ITGA9: variants seen among roughly 807,000 people sequenced by gnomAD.
ITGA9 encodes the protein integrin alpha-9.
In ITGA9, 56 loss-of-function variants were observed where a neutral mutation model predicts 127.8. That is an observed-to-expected ratio of 0.44 (90% CI 0.35 to 0.55). The LOEUF (loss-of-function observed/expected upper bound fraction) is 0.55. ITGA9 is among the 20% of genes least tolerant of loss of function. The probability of loss-of-function intolerance (pLI) is 0.00; values close to 1 mark genes in which losing one functional copy is unlikely to be tolerated. For synonymous variants in ITGA9, 508 were observed against 514.5 expected (o/e 0.99, Z 0.17); for missense variants, 1,196 against 1,347.1 (o/e 0.89, Z 1.76).
intron 17 of ITGA9, among the ~76,000 whole-genome samples, chr3:37,678,622 G>T (rs1700705414): frequency 6.6e-6 from 1 of 152,106 alleles, no homozygotes; most frequent in South Asian, 2.1e-4. Context: ...CTTTACTCAG[G>T]CTAGATTTAT....
chr3:37,588,609 C>T (rs982326157), intron 15 of ITGA9, among the ~76,000 whole-genome samples: 1 of 152,200 alleles, frequency 6.6e-6, no homozygotes, highest in African/African-American at 2.4e-5. Flanking sequence ...GGAGACTGAC[C>T]TTGGTCTCAC....
At chr3:37,722,650 T>C (rs1400294749) in intron 18 of ITGA9, among the ~76,000 whole-genome samples, 2 of 152,254 alleles carry the variant, frequency 1.3e-5, no homozygotes, top group African/African-American at 2.4e-5. Flanking sequence ...ATGTCATACT[T>C]CATTCTTTTT....
At chr3:37,710,017 A>T (rs1463462786) in intron 18 of ITGA9, among the ~76,000 whole-genome samples, 1 of 152,074 alleles carries the variant, frequency 6.6e-6, no homozygotes, top group Admixed American at 6.5e-5. Flanking sequence ...ACTCTGGCTG[A>T]CTCCTTGTGA....
At chr3:37,743,359 G>T (rs1696460741) in intron 21 of ITGA9, among the ~76,000 whole-genome samples, 1 of 152,192 alleles carries the variant, frequency 6.6e-6, no homozygotes, top group African/African-American at 2.4e-5. Flanking sequence ...AACATTGAAA[G>T]CATTGCTGCA....
At position 37,732,803 on chromosome 3, in the gene ITGA9, G is replaced by A. The variant is rs1288601116; in HGVS notation, c.2154+5G>A. On this transcript the variant is annotated splice_donor_5th_base_variant and intron_variant, in intron 19 of 27. Coordinates refer to ENST00000264741, the MANE Select transcript of ITGA9 (RefSeq NM_002207.3). ...TTCATGAGGTCAAAGTCAAAGGTAA[G>A]GGACACAGACGGGACCCTTCCTCAG... 6.2e-7 allele frequency: 1 copy of A among 1,603,998 alleles called. No individual in the cohort carries two copies. Among genetic ancestry groups the A allele is most frequent in the Non-Finnish European group, 8.5e-7 (1 of 1,174,588 alleles).
intron 15 of ITGA9, among the ~76,000 whole-genome samples, chr3:37,561,184 ATTAT>A (rs1411803857): frequency 6.6e-5 from 10 of 152,364 alleles, no homozygotes; most frequent in African/African-American, 2.4e-4. Context: ...AAAAATGTAT[ATTAT>A]TTAGTCCAAT....
At chr3:37,453,546 A>C (rs1166680218) in intron 1 of ITGA9, among the ~76,000 whole-genome samples, 1 of 152,104 alleles carries the variant, frequency 6.6e-6, no homozygotes, top group Non-Finnish European at 1.5e-5. Flanking sequence ...TAGGAGAGAG[A>C]GTTAGGCTGC....
At chr3:37,657,160 G>A (rs868097926) in intron 17 of ITGA9, among the ~76,000 whole-genome samples, 1 of 151,962 alleles carries the variant, frequency 6.6e-6, no homozygotes, top group African/African-American at 2.4e-5. Flanking sequence ...TTCCTTTTTC[G>A]TTGTGTCTCT....
intron 27 of ITGA9, chr3:37,805,856 A>G (rs1697289416): frequency 6.8e-6 from 1 of 146,676 alleles, no homozygotes; most frequent in Non-Finnish European, 1.5e-5. Flanking sequence ...TATTTTTAGT[A>G]GAGACCAGGT....
At chr3:37,488,105 T>A (rs541452840) in intron 4 of ITGA9, among the ~76,000 whole-genome samples, 1 of 152,326 alleles carries the variant, frequency 6.6e-6, no homozygotes, top group Admixed American at 6.5e-5. Flanking sequence ...TTCATGAGTC[T>A]TTTTATTTTT....
intron 15 of ITGA9, among the ~76,000 whole-genome samples, chr3:37,582,586 T>C (rs1193259233): frequency 6.6e-6 from 1 of 152,218 alleles, no homozygotes; most frequent in African/African-American, 2.4e-5. Context: ...TGGATGGTAG[T>C]GGTGATGTTA....
rs150540538 is a variant in ITGA9 at position 37,598,852 on chromosome 3, C to T, written c.1690-30335C>T. On this transcript the variant is annotated intron_variant, in intron 15 of 27. Coordinates refer to ENST00000264741, the MANE Select transcript of ITGA9 (RefSeq NM_002207.3). ...TCCCCACTTGAACCTAAGGCTGGGA[C>T]ACTTTGGCATGTGTGTTTTAAAGGA... 6.0e-3 allele frequency among the ~76,000 whole-genome samples: 911 copies of T among 152,296 alleles called. 4 individuals carry two copies. Among genetic ancestry groups the T allele is most frequent in the Middle Eastern group, 0.01 (3 of 294 alleles).
chr3:37,629,145 C>A lies in ITGA9; in HGVS notation c.1690-42C>A. On this transcript the variant is annotated intron_variant, in intron 15 of 27. Transcript: ENST00000264741. This position sits in a 1 kb window ranked among gnomAD's most constrained non-coding sequence, Gnocchi z 4.5. ...CTGTGAAATGCTCTACGACTGTCAG[C>A]CAGGATTAGTAGTTAATGCACGTAT... is the stretch of plus-strand genomic sequence containing the variant. 3.7e-6 allele frequency: 6 copies of A among 1,610,078 alleles called. No individual in the cohort carries two copies. Among genetic ancestry groups the A allele is most frequent in the Non-Finnish European group, 5.1e-6 (6 of 1,178,144 alleles).
At chr3:37,628,207 C>T (rs190064260) in intron 15 of ITGA9, among the ~76,000 whole-genome samples, 68 of 152,296 alleles carry the variant, frequency 4.5e-4, no homozygotes, top group African/African-American at 1.6e-3. Context: ...GAGCCACTTT[C>T]CTTTGACACG....
intron 15 of ITGA9, among the ~76,000 whole-genome samples, chr3:37,575,116 T>C (rs1289352444): frequency 6.6e-6 from 1 of 152,126 alleles, no homozygotes; most frequent in Non-Finnish European, 1.5e-5. Flanking sequence ...TGAGGAAGTT[T>C]ATACGACCAC....
intron 17 of ITGA9, among the ~76,000 whole-genome samples, chr3:37,661,045 C>T (rs373897426): frequency 5.1e-4 from 78 of 152,294 alleles, no homozygotes; most frequent in African/African-American, 1.7e-3. Flanking sequence ...AACCCAAAGT[C>T]AAGGGACAGG....
intron 16 of ITGA9, among the ~76,000 whole-genome samples, chr3:37,652,279 A>G (rs1450560044): frequency 6.6e-6 from 1 of 152,154 alleles, no homozygotes; most frequent in African/African-American, 2.4e-5. Context: ...CATAAAGCCC[A>G]CCTTTCATCT....
intron 1 of ITGA9, among the ~76,000 whole-genome samples, chr3:37,457,057 A>T (rs1579036501): frequency 6.6e-6 from 1 of 152,216 alleles, no homozygotes; most frequent in African/African-American, 2.4e-5. Flanking sequence ...GGGCTAGACA[A>T]GGATCAAAAG....
chr3:37,599,524 G>A (rs1437618174), intron 15 of ITGA9, among the ~76,000 whole-genome samples: 3 of 152,176 alleles, frequency 2.0e-5, no homozygotes, highest in Middle Eastern at 3.2e-3. Flanking sequence ...ACATTCTCTT[G>A]GCCAAAGTAA....
Sources: allele counts gnomAD v4.1 joint callset (sites outside exome capture counted in the v4.1 genomes callset), GRCh38; gene constraint gnomAD v4.1.1; non-coding constraint Gnocchi (gnomAD v3.1); transcripts MANE v1.5; gene names NCBI Gene and HGNC (gene_info 2026-07-23, HGNC 2026-07-21).